The following PDE4D variants were observed in gnomAD, a reference collection of about 807,000 sequenced individuals.
The protein encoded by PDE4D is phosphodiesterase 4D.
A neutral mutation model predicts 87.4 loss-of-function variants in PDE4D; 24 were observed. That is an observed-to-expected ratio of 0.27 (90% CI 0.20 to 0.39). The LOEUF (loss-of-function observed/expected upper bound fraction) is 0.39, where lower values mean the gene tolerates loss of function less well. Ranked by LOEUF, PDE4D falls within the 10% of genes least tolerant of loss-of-function variation. The pLI, the probability that PDE4D is intolerant of heterozygous loss-of-function variation, is 1.00. For missense variants in PDE4D, 714 were observed against 1,041.0 expected, an observed-to-expected ratio of 0.69 and a Z score of 4.32; for synonymous variants, 384 against 383.2, an observed-to-expected ratio of 1.00 and a Z score of -0.02.
intron 1 of PDE4D, among the ~76,000 whole-genome samples, chr5:60,458,331 G>C (rs1269739060): frequency 1.4e-5 from 2 of 142,548 alleles, no homozygotes; most frequent in Non-Finnish European, 3.0e-5. Flanking sequence ...AGATGGCAGT[G>C]AGCCGAGATG....
intron 1 of PDE4D, among the ~76,000 whole-genome samples, chr5:59,389,908 A>C (rs1787898802): frequency 6.6e-6 from 1 of 152,184 alleles, no homozygotes; most frequent in East Asian, 1.9e-4. Flanking sequence ...GTTAGATAGA[A>C]GAAATAAGTT....
At chr5:60,137,180 G>T (rs773325809) in intron 2 of PDE4D, among the ~76,000 whole-genome samples, 7 of 152,138 alleles carry the variant, frequency 4.6e-5, no homozygotes, top group Non-Finnish European at 8.8e-5. Flanking sequence ...TGGTGTATAT[G>T]TACCACATTT....
At chr5:60,217,952 T>C (rs536717338) in intron 1 of PDE4D, among the ~76,000 whole-genome samples, 1 of 151,992 alleles carries the variant, frequency 6.6e-6, no homozygotes, top group South Asian at 2.1e-4. Flanking sequence ...CTGGTAGAAA[T>C]AGAAGTTAGT....
chr5:60,203,049 C>T (rs1184739032), intron 1 of PDE4D, among the ~76,000 whole-genome samples: 5 of 152,098 alleles, frequency 3.3e-5, no homozygotes, highest in African/African-American at 9.7e-5. Flanking sequence ...CTTGGCTCAC[C>T]GCAACTTCTG....
At chr5:60,214,173 G>T (rs900023756) in intron 1 of PDE4D, among the ~76,000 whole-genome samples, 1 of 152,112 alleles carries the variant, frequency 6.6e-6, no homozygotes, top group Non-Finnish European at 1.5e-5. Context: ...AACTTTATTA[G>T]TATCACTTCT....
intron 1 of PDE4D, among the ~76,000 whole-genome samples, chr5:60,282,810 G>A (rs1752069706): frequency 6.6e-6 from 1 of 152,190 alleles, no homozygotes; most frequent in African/African-American, 2.4e-5. Context: ...GATATTTAGT[G>A]TCCAGATATC....
At chr5:59,701,657 G>A (rs1173087436) in intron 1 of PDE4D, among the ~76,000 whole-genome samples, 1 of 152,210 alleles carries the variant, frequency 6.6e-6, no homozygotes, top group East Asian at 1.9e-4. Flanking sequence ...GAGAATAGAA[G>A]TGCTGGTTGT....
chr5:59,353,330 TC>T (rs1780826150), intron 1 of PDE4D, among the ~76,000 whole-genome samples: 1 of 150,936 alleles, frequency 6.6e-6, no homozygotes, highest in Non-Finnish European at 1.5e-5. Context: ...GCTCCTTGAT[TC>T]TTTCTTTACT....
Position 59,968,821 on chromosome 5 carries a change from G to A in PDE4D, c.272+19667C>T, listed in dbSNP as rs140131308. The stretch of plus-strand genomic sequence containing the variant: ...AAATAAGATAATAATGGTACCTACC[G>A]TAGCATCATCCTGAGTATGAAACAC... On this transcript the variant is annotated intron_variant, in intron 3 of 16. Coordinates refer to the PDE4D transcript ENST00000502484. Among the ~76,000 whole-genome samples the A allele has an allele frequency of 8.5e-5, 13 of 152,152 alleles. No homozygotes were observed. In the South Asian group the frequency reaches 1.2e-3, roughly 15 times the overall value.
intron 1 of PDE4D, among the ~76,000 whole-genome samples, chr5:59,576,016 T>C (rs6876050): frequency 2.3e-3 from 349 of 152,298 alleles, no homozygotes; most frequent in African/African-American, 8.2e-3. Context: ...AAGCAACCTA[T>C]AGTTAATGGG....
chr5:59,545,599 T>C (rs1817131954), intron 1 of PDE4D, among the ~76,000 whole-genome samples: 1 of 152,202 alleles, frequency 6.6e-6, no homozygotes, highest in Non-Finnish European at 1.5e-5. Context: ...GCATTTACTT[T>C]GTTAAATGAT....
intron 1 of PDE4D, among the ~76,000 whole-genome samples, chr5:59,580,928 T>G (rs980647320): frequency 6.6e-5 from 10 of 152,162 alleles, no homozygotes; most frequent in African/African-American, 2.4e-4. Flanking sequence ...TTATGTAGAC[T>G]CTAGATTATC....
chr5:60,208,430 G>A (rs1365714421), intron 1 of PDE4D, among the ~76,000 whole-genome samples: 1 of 152,168 alleles, frequency 6.6e-6, no homozygotes, highest in Non-Finnish European at 1.5e-5. Flanking sequence ...ATCACAGGGT[G>A]TATGTAGGGT....
At chr5:59,351,592 C>T (rs1488310005) in intron 1 of PDE4D, among the ~76,000 whole-genome samples, 1 of 151,954 alleles carries the variant, frequency 6.6e-6, no homozygotes, top group Non-Finnish European at 1.5e-5. Context: ...TGTTTTTGGC[C>T]AGATGAAATG....
At chr5:59,993,675 T>C (rs1266293883) in intron 2 of PDE4D, among the ~76,000 whole-genome samples, 1 of 152,148 alleles carries the variant, frequency 6.6e-6, no homozygotes, top group Non-Finnish European at 1.5e-5. Context: ...TTATTAATTA[T>C]GAGCTTCTGT....
At chr5:59,961,249 C>T (rs1011404178) in intron 3 of PDE4D, among the ~76,000 whole-genome samples, 3 of 151,414 alleles carry the variant, frequency 2.0e-5, no homozygotes, top group Non-Finnish European at 4.4e-5. Context: ...TTTATGATTT[C>T]CTCAAGAAAT....
chr5:59,895,773 T>C (rs1751570455), upstream of PDE4D, among the ~76,000 whole-genome samples: 1 of 152,246 alleles, frequency 6.6e-6, no homozygotes, highest in South Asian at 2.1e-4. Flanking sequence ...ACTCTTATTC[T>C]AATTTCTCAT....
At chr5:60,162,519 T>C (rs16890544) in intron 2 of PDE4D, among the ~76,000 whole-genome samples, 3,351 of 152,214 alleles carry the variant, frequency 0.022, 126 homozygotes, top group African/African-American at 0.076. Flanking sequence ...TTGGTAGTAA[T>C]ATTTGATCTA....
chr5:60,206,273 G>A lies in PDE4D; in HGVS notation c.-89-20586C>T, dbSNP rs148636056. ...TGTCTCAGAAATTCAAAGCCTTCCC[G>A]ATTACCTTTATTGCTACAGGCATAT... is the stretch of plus-strand genomic sequence containing the variant. On this transcript the variant is annotated intron_variant, in intron 1 of 16. Transcript: ENST00000502484. Among the ~76,000 whole-genome samples, 10 of 152,182 alleles carry A rather than the reference G, an allele frequency of 6.6e-5. No individual in the cohort carries two copies. In the East Asian group the frequency reaches 1.4e-3, roughly 21 times the overall value.
Sources: allele counts gnomAD v4.1 joint callset (sites outside exome capture counted in the v4.1 genomes callset), GRCh38; gene constraint gnomAD v4.1.1; transcripts MANE v1.5; gene names NCBI Gene and HGNC (gene_info 2026-07-23, HGNC 2026-07-21).